ZPBP: variants seen among roughly 807,000 people sequenced by gnomAD.
The protein encoded by ZPBP is zona pellucida binding protein.
Under a neutral mutation model 44.8 loss-of-function variants are expected in ZPBP, and 26 were observed. The observed-to-expected ratio is 0.58, with a 90% CI of 0.43 to 0.81. ZPBP has a LOEUF of 0.81. Ranked by LOEUF, ZPBP falls within the 30% of genes least tolerant of loss-of-function variation. ZPBP has a pLI of 0.00. For missense variants in ZPBP, 409 were observed against 434.0 expected, an observed-to-expected ratio of 0.94 and a Z score of 0.51; for synonymous variants, 174 against 153.2, an observed-to-expected ratio of 1.14 and a Z score of -1.00.
At position 50,019,274 on chromosome 7, in the gene ZPBP, G is replaced by A. The variant is rs1048846842; in HGVS notation, c.707-958C>T. Among the ~76,000 whole-genome samples, 17 of 151,966 alleles carry A rather than the reference G, an allele frequency of 1.1e-4. No individual in the cohort carries two copies. In the East Asian group the frequency reaches 1.2e-3, roughly 10 times the overall value. On this transcript the variant is annotated intron_variant, in intron 5 of 7. Transcript: ENST00000046087. ...AACTCTACTTGGATGCTATCCATTC[G>A]CTATTCTACTCCAAATATTGCTCTA...
chr7:49,959,665 G>T (rs2128763640), intron 7 of ZPBP, among the ~76,000 whole-genome samples: 1 of 152,188 alleles, frequency 6.6e-6, no homozygotes, highest in Admixed American at 6.5e-5. Flanking sequence ...AAATATATTT[G>T]AGATAACAAT....
At chr7:49,905,086 A>G (rs1359737118) in intron 1 of ZPBP, among the ~76,000 whole-genome samples, 1 of 152,166 alleles carries the variant, frequency 6.6e-6, no homozygotes, top group Non-Finnish European at 1.5e-5. Flanking sequence ...TAAGCTAAAA[A>G]TCACTTAAGA....
chr7:50,071,661 G>C (rs1801844953), intron 3 of ZPBP, among the ~76,000 whole-genome samples: 2 of 151,846 alleles, frequency 1.3e-5, no homozygotes, highest in African/African-American at 4.8e-5. Flanking sequence ...ACGCTGTCTT[G>C]CATCTAAGAT....
At chr7:49,846,449 C>T (rs944465905), downstream of ZPBP, among the ~76,000 whole-genome samples, 1 of 152,074 alleles carries the variant, frequency 6.6e-6, no homozygotes, top group Non-Finnish European at 1.5e-5. Flanking sequence ...ACATAAAGTT[C>T]TCCCTCACTT....
chr7:49,873,647 C>T (rs562281461), intron 2 of ZPBP, among the ~76,000 whole-genome samples: 1 of 152,168 alleles, frequency 6.6e-6, no homozygotes, highest in East Asian at 1.9e-4. Flanking sequence ...TGTGCATAGC[C>T]AGGCATTATG....
chr7:49,978,969 T>A (rs762848780), intron 7 of ZPBP, among the ~76,000 whole-genome samples: 151 of 152,122 alleles, frequency 9.9e-4, no homozygotes, highest in Non-Finnish European at 1.8e-3. Flanking sequence ...CAAAGATAAT[T>A]ATAAATTAAA....
At chr7:49,989,368 T>C (rs1459800716) in intron 6 of ZPBP, among the ~76,000 whole-genome samples, 2 of 152,124 alleles carry the variant, frequency 1.3e-5, no homozygotes, top group East Asian at 3.8e-4. Flanking sequence ...ACTCACAGGT[T>C]TGAGGGTACA....
intron 7 of ZPBP, chr7:49,940,663 A>T: frequency 1.4e-6 from 1 of 697,882 alleles, no homozygotes; most frequent in Non-Finnish European, 1.8e-6. Flanking sequence ...CCAAAAAAAA[A>T]AAAGCTGTGT....
intron 2 of ZPBP, among the ~76,000 whole-genome samples, chr7:49,869,725 A>G (rs763650527): frequency 7.9e-5 from 12 of 152,186 alleles, no homozygotes; most frequent in Admixed American, 1.3e-4. Context: ...TTGATGTGAC[A>G]AACTTAAATC....
At chr7:50,054,197 GAAAACAAAAC>G (rs974240132) in intron 4 of ZPBP, among the ~76,000 whole-genome samples, 1 of 151,170 alleles carries the variant, frequency 6.6e-6, no homozygotes, top group African/African-American at 2.4e-5. Context: ...CAATCTCTTA[GAAAACAAAAC>G]AAAACAAAAC....
intron 2 of ZPBP, among the ~76,000 whole-genome samples, chr7:49,893,938 TG>T (rs1472115186): frequency 3.9e-5 from 6 of 152,172 alleles, no homozygotes; most frequent in African/African-American, 1.4e-4. Context: ...TAAAATGCGT[TG>T]CCACAAGCAG....
At chr7:49,861,917 T>C (rs756200327) in intron 2 of ZPBP, among the ~76,000 whole-genome samples, 2 of 152,196 alleles carry the variant, frequency 1.3e-5, no homozygotes, top group Non-Finnish European at 2.9e-5. Flanking sequence ...AATTGGGAAT[T>C]GTGTGTATTT....
At chr7:49,918,578 A>T (rs1431166766) in intron 1 of ZPBP, 1 of 152,242 alleles carries the variant, frequency 6.6e-6, no homozygotes, top group Non-Finnish European at 1.5e-5. Flanking sequence ...TGATTCTCAT[A>T]TTGAAATTTA....
chr7:50,071,541 C>G (rs1421424606), intron 3 of ZPBP, among the ~76,000 whole-genome samples: 1 of 152,074 alleles, frequency 6.6e-6, no homozygotes, highest in African/African-American at 2.4e-5. Context: ...GCTGGGGAAG[C>G]CAAGGGAGGG....
intron 2 of ZPBP, among the ~76,000 whole-genome samples, chr7:49,878,248 A>C (rs1454558014): frequency 2.6e-5 from 4 of 152,122 alleles, no homozygotes; most frequent in African/African-American, 9.7e-5. Context: ...GCACACTGCA[A>C]TATGTTAATA....
intron 2 of ZPBP, among the ~76,000 whole-genome samples, chr7:49,892,194 A>G (rs1171105202): frequency 2.0e-5 from 3 of 150,834 alleles, no homozygotes; most frequent in African/African-American, 4.9e-5. Context: ...ACAGGCGCCC[A>G]CCATCACGCC....
chr7:49,979,980 T>G (rs113495951), intron 7 of ZPBP, among the ~76,000 whole-genome samples: 1,297 of 105,630 alleles, frequency 0.012, 37 homozygotes, highest in African/African-American at 0.046. Flanking sequence ...ATATTATATA[T>G]TAATATAATT....
At chr7:49,892,774 A>C (rs1451204725) in intron 2 of ZPBP, among the ~76,000 whole-genome samples, 1 of 152,152 alleles carries the variant, frequency 6.6e-6, no homozygotes, top group East Asian at 1.9e-4. Flanking sequence ...TTATTCGTTC[A>C]TTTTTCAAAC....
At chr7:50,027,118 T>C (rs948259314) in intron 5 of ZPBP, among the ~76,000 whole-genome samples, 1 of 137,560 alleles carries the variant, frequency 7.3e-6, no homozygotes, top group African/African-American at 2.8e-5. Flanking sequence ...AAGCTGAATA[T>C]GTAAGACCCT....
Sources: allele counts gnomAD v4.1 joint callset (sites outside exome capture counted in the v4.1 genomes callset), GRCh38; gene constraint gnomAD v4.1.1; transcripts MANE v1.5; gene names NCBI Gene and HGNC (gene_info 2026-07-23, HGNC 2026-07-21).